RAB6C: variants seen among roughly 807,000 people sequenced by gnomAD.
The protein encoded by RAB6C is RAB6C, member RAS oncogene family, also known as ras-related protein Rab-6C.
Under a neutral mutation model 17.2 loss-of-function variants are expected in RAB6C, and 8 were observed. That is an observed-to-expected ratio of 0.46 (90% confidence interval 0.27 to 0.84). The LOEUF is 0.84. Ranked by LOEUF, RAB6C falls within the 40% of genes least tolerant of loss-of-function variation. The pLI, the probability that RAB6C is intolerant of heterozygous loss-of-function variation, is 0.13. For synonymous variants in RAB6C, 78 were observed against 118.9 expected (o/e 0.66, Z 2.24); for missense variants, 151 against 306.5 (o/e 0.49, Z 3.79).
In RAB6C at chr2:129,979,752, T is replaced by C; in HGVS notation, c.-364T>C. ...TCCCGGATACATCTGCGGTTTGGGC[T>C]CCGCCACCCTCCGTCTCTCTCCCGC... On this transcript the variant is annotated 5_prime_UTR_variant, in exon 1 of 1. Transcript: ENST00000410061. 1 of 366,220 alleles carries C rather than the reference T, an allele frequency of 2.7e-6. No individual in the cohort carries two copies. Among genetic ancestry groups the C allele is most frequent in the East Asian group, 6.0e-5 (1 of 16,736 alleles). The allele number at this position is 366,220 out of a possible 1,614,324, so 22.7% of individuals were successfully genotyped here. A position where few individuals can be genotyped will look rare whatever the true frequency, so the allele number is the denominator to read the frequency against.
rs1360740798 is a variant in RAB6C at position 129,981,068 on chromosome 2, G to A, written c.*188G>A. The stretch of plus-strand genomic sequence containing the variant: ...TGGAAATCTCAACAGTATGAGTATG[G>A]CTTGGTTAACGAGCAGTATGTTCAC... On this transcript the variant is annotated 3_prime_UTR_variant, in exon 1 of 1. Transcript: ENST00000410061. 1 of 602,342 alleles carries A rather than the reference G, an allele frequency of 1.7e-6. No individual in the cohort carries two copies. The highest frequency in any genetic ancestry group is 3.0e-6 in the Non-Finnish European group (1 of 333,528). 37.3% of individuals were successfully genotyped at this position (602,342 alleles called of 1,614,324 possible). A position where few individuals can be genotyped will look rare whatever the true frequency, so the allele number is the denominator to read the frequency against.
Position 129,982,017 on chromosome 2 carries a change from A to AT in RAB6C, c.*1143dup, listed in dbSNP as rs931021148. On this transcript the variant is annotated 3_prime_UTR_variant, in exon 1 of 1. Transcript: ENST00000410061. ...GCAGATTTATGCCTTATTTTTTAGC[A>AT]TTTTTTAAGGTTGGGTCTTTCAGGC... The AT allele has an allele frequency of 6.0e-6, 1 of 166,762 alleles. No individual in the cohort carries two copies. Among genetic ancestry groups the AT allele is most frequent in the East Asian group, 1.9e-4 (1 of 5,196 alleles). The allele number at this position is 166,762 out of a possible 1,614,324, so 10.3% of individuals were successfully genotyped here.
In RAB6C at chr2:129,981,995, G is replaced by A; in HGVS notation, c.*1115G>A. The A allele has an allele frequency of 6.0e-6, 1 of 167,200 alleles. No homozygotes were observed. The allele number at this position is 167,200 out of a possible 1,614,324, so 10.4% of individuals were successfully genotyped here. A position where few individuals can be genotyped will look rare whatever the true frequency, so the allele number is the denominator to read the frequency against. On this transcript the variant is annotated 3_prime_UTR_variant, in exon 1 of 1. Transcript: ENST00000410061. ...TGGAAATAAAACTGAATATTATGCA[G>A]ATTTATGCCTTATTTTTTAGCATTT...
rs11903479 is a variant in RAB6C, at chr2:129,981,591, A to G, written c.*711A>G. ...GAAGTTCTAATGAACTATTTCTCCC[A>G]AGGTTTTAAAATTGTCAAGAGTTAT... is the stretch of plus-strand genomic sequence containing the variant. On this transcript the variant is annotated 3_prime_UTR_variant, in exon 1 of 1. Transcript: ENST00000410061. 11,786 of 167,152 alleles carry G rather than the reference A, an allele frequency of 0.071. 986 individuals are homozygous for G. The highest frequency in any genetic ancestry group is 0.21 in the African/African-American group (8,720 of 41,516). The allele number at this position is 167,152 out of a possible 1,614,324, so 10.4% of individuals were successfully genotyped here.
In RAB6C at chr2:129,979,828, C is replaced by A; in HGVS notation, c.-288C>A. The A allele has an allele frequency of 7.0e-6, 4 of 575,276 alleles. No individual in the cohort carries two copies. Among genetic ancestry groups the A allele is most frequent in the South Asian group, 6.5e-5 (3 of 46,078 alleles). The allele number at this position is 575,276 out of a possible 1,614,324, so 35.6% of individuals were successfully genotyped here. ...AGGGAACGGCCCTAGCCTTGGGAAG[C>A]CAAAGCACACCCCTGGCTCCTGCCG... On this transcript the variant is annotated 5_prime_UTR_variant, in exon 1 of 1. Transcript: ENST00000410061.
Position 129,980,404 on chromosome 2 carries a change from A to G in RAB6C, c.289A>G (p.Asn97Asp), listed in dbSNP as rs199540850. The G allele has an allele frequency of 1.9e-4, 305 of 1,613,510 alleles. No individual in the cohort carries two copies. The African/African-American group carries it at 3.3e-3, about 17-fold the overall frequency. The change falls in exon 1 of 1, where the codon AAT becomes GAT. Residue 97 changes from asparagine (N) to aspartate (D), a missense_variant. Transcript: ENST00000410061. ...AAAVVVYDITNVNSFQQTTKW... is the reference protein window; with the variant it reads ...AAAVVVYDITDVNSFQQTTKW... The stretch of plus-strand genomic sequence containing the variant: ...AGCTGTAGTAGTTTACGATATCACA[A>G]ATGTTAACTCATTCCAGCAAACTAC...
rs1346464335 is a variant in RAB6C at position 129,981,608 on chromosome 2, AAG to A, written c.*731_*732del. ...TTTCTCCCAAGGTTTTAAAATTGTC[AAG>A]AGTTATTCTGTTTGTTTAAAAAGTA... On this transcript the variant is annotated 3_prime_UTR_variant, in exon 1 of 1. Transcript: ENST00000410061. The A allele has an allele frequency of 1.2e-5, 2 of 167,136 alleles. No homozygotes were observed. The highest frequency in any genetic ancestry group is 1.3e-4 in the Admixed American group (2 of 15,292). The allele number at this position is 167,136 out of a possible 1,614,324, so 10.4% of individuals were successfully genotyped here.
chr2:129,980,711 A>C lies in RAB6C; in HGVS notation c.596A>C (p.Gln199Pro). The change falls in exon 1 of 1, where the codon CAA (glutamine) becomes CCA (proline). Residue 199 changes from glutamine to proline, a missense_variant. Gln to Pro is a moderately conservative substitution (Grantham distance 76). Transcript: ENST00000410061. ...ATAAAACTGGAAAAGCCTCAGGAGC[A>C]AACAGTCAGCGAAGGGGGTTGTTCC... ...SDIKLEKPQE[Q>P]TVSEGGCSCY... is the part of the protein sequence containing the mutation. 1 of 1,607,892 alleles carries C rather than the reference A, an allele frequency of 6.2e-7. No homozygotes were observed. Among genetic ancestry groups the C allele is most frequent in the Non-Finnish European group, 8.5e-7 (1 of 1,175,744 alleles).
Position 129,980,823 on chromosome 2 carries a change from T to C in RAB6C, c.708T>C (p.Leu236=). The part of the protein sequence containing the change: ...IDCSVNIGLN[L]FPSLITFCNS... Reference sequence around the variant, plus strand: ...GCAGTGTGAATATTGGCTTGAACCTTTTCCCTTCATTAATAACGTTTTGCA... The same window carrying C: ...GCAGTGTGAATATTGGCTTGAACCTCTTCCCTTCATTAATAACGTTTTGCA... The change falls in exon 1 of 1, where the codon CTT becomes CTC. Residue 236 remains leucine (L), a synonymous_variant. Transcript: ENST00000410061. 1.3e-6 allele frequency: 2 copies of C among 1,597,850 alleles called. No homozygotes were observed. Among genetic ancestry groups the C allele is most frequent in the South Asian group, 1.1e-5 (1 of 88,554 alleles).
At position 129,982,106 on chromosome 2, in the gene RAB6C, G is replaced by A. The variant is rs939737999; in HGVS notation, c.*1226G>A. The A allele has an allele frequency of 1.8e-5, 3 of 164,166 alleles. No individual in the cohort carries two copies. The highest frequency in any genetic ancestry group is 4.4e-5 in the Non-Finnish European group (3 of 67,552). 10.2% of individuals were successfully genotyped at this position (164,166 alleles called of 1,614,324 possible). On this transcript the variant is annotated 3_prime_UTR_variant, in exon 1 of 1. Coordinates refer to ENST00000410061, the MANE Select transcript of RAB6C (RefSeq NM_032144.3). ...TGATTTAGTTTTATATTTAAGCTACGATTAATATTTTTTCTTTGGCGATAT... is the reference window on the plus strand; with the variant it reads ...TGATTTAGTTTTATATTTAAGCTACAATTAATATTTTTTCTTTGGCGATAT...
rs1490854874 is a variant in RAB6C at position 129,981,686 on chromosome 2, AT to A, written c.*807del. On this transcript the variant is annotated 3_prime_UTR_variant, in exon 1 of 1. Transcript: ENST00000410061. ...TGCTTGGGTTTTCTTTCTTAAAAAA[AT>A]AATACTATGCAGGCAAGACACCATA... 23 of 167,146 alleles carry A rather than the reference AT, an allele frequency of 1.4e-4. No individual in the cohort carries two copies. In the Admixed American group the frequency reaches 1.5e-3, roughly 11 times the overall value. The allele number at this position is 167,146 out of a possible 1,614,324, so 10.4% of individuals were successfully genotyped here. A position where few individuals can be genotyped will look rare whatever the true frequency, so the allele number is the denominator to read the frequency against.
Position 129,980,661 on chromosome 2 carries a change from C to A in RAB6C, c.546C>A (p.Asp182Glu), listed in dbSNP as rs201632218. ...TGCCGGGAATGGAAAGCACACAGGACGGAAGCAGAGAAGACATGAGTGACA... is the reference window on the plus strand; with the variant it reads ...TGCCGGGAATGGAAAGCACACAGGAAGGAAGCAGAGAAGACATGAGTGACA... ...AALPGMESTQDGSREDMSDIK... is the reference protein window; with the variant it reads ...AALPGMESTQEGSREDMSDIK... Residue 182 changes from aspartate (D) to glutamate (E), a missense_variant, in exon 1 of 1, where the codon GAC (aspartate) becomes GAA (glutamate). Coordinates refer to ENST00000410061, the MANE Select transcript of RAB6C (RefSeq NM_032144.3). The A allele has an allele frequency of 5.6e-4, 908 of 1,611,152 alleles. 4 individuals carry two copies. In the African/African-American group the frequency reaches 0.011, roughly 19 times the overall value.
Position 129,979,947 on chromosome 2 carries a change from C to A in RAB6C, c.-169C>A. The A allele has an allele frequency of 4.0e-6, 5 of 1,262,282 alleles. No homozygotes were observed. The highest frequency in any genetic ancestry group is 5.4e-6 in the Non-Finnish European group (5 of 927,286). The allele number at this position is 1,262,282 out of a possible 1,614,324, so 78.2% of individuals were successfully genotyped here. A position where few individuals can be genotyped will look rare whatever the true frequency, so the allele number is the denominator to read the frequency against. On this transcript the variant is annotated 5_prime_UTR_variant, in exon 1 of 1. The change creates a new upstream start codon in the 5' untranslated region. Transcript: ENST00000410061. ...GGCGGCTGCCAGTCTGTGGCGAGCCCTGCTGCCCTCCAGCCGGGCTCCTCC... is the reference window on the plus strand; with the variant it reads ...GGCGGCTGCCAGTCTGTGGCGAGCCATGCTGCCCTCCAGCCGGGCTCCTCC...
rs1573547364 is a variant in RAB6C at position 129,982,319 on chromosome 2, A to G, written c.*1439A>G. On this transcript the variant is annotated 3_prime_UTR_variant, in exon 1 of 1. Coordinates refer to ENST00000410061, the MANE Select transcript of RAB6C (RefSeq NM_032144.3). ...TAAGCTAATAAACACATTTGTAAAT[A>G]CATTGTTTGCAGGAAGAAAACTTCG... 6.0e-6 allele frequency: 1 copy of G among 167,218 alleles called. No homozygotes were observed. Among genetic ancestry groups the G allele is most frequent in the South Asian group, 2.1e-4 (1 of 4,826 alleles). 10.4% of individuals were successfully genotyped at this position (167,218 alleles called of 1,614,324 possible).
rs966489283 is a variant in RAB6C at position 129,981,023 on chromosome 2, G to A, written c.*143G>A. On this transcript the variant is annotated 3_prime_UTR_variant, in exon 1 of 1. Coordinates refer to ENST00000410061, the MANE Select transcript of RAB6C (RefSeq NM_032144.3). ...ACATTTTTTTCTTTTTTAATGTTAT[G>A]ATAATGTACTTCAAAATGATGGAAA... is the stretch of plus-strand genomic sequence containing the variant. 5.8e-6 allele frequency: 6 copies of A among 1,035,162 alleles called. No homozygotes were observed. The African/African-American group carries it at 8.2e-5, about 14-fold the overall frequency. 64.1% of individuals were successfully genotyped at this position (1,035,162 alleles called of 1,614,324 possible). A position where few individuals can be genotyped will look rare whatever the true frequency, so the allele number is the denominator to read the frequency against.
chr2:129,982,603 T>C lies in RAB6C; in HGVS notation c.*1723T>C, dbSNP rs1016185077. On this transcript the variant is annotated 3_prime_UTR_variant, in exon 1 of 1. Coordinates refer to ENST00000410061, the MANE Select transcript of RAB6C (RefSeq NM_032144.3). Reference sequence around the variant, plus strand: ...GCTTACAGATAATCATTAGCCCACATACCAGTAACTTATACTTAAAGATGG... The same window carrying C: ...GCTTACAGATAATCATTAGCCCACACACCAGTAACTTATACTTAAAGATGG... The C allele has an allele frequency of 2.4e-5, 4 of 167,108 alleles. No individual in the cohort carries two copies. The East Asian group carries it at 5.8e-4, about 24-fold the overall frequency. 10.4% of individuals were successfully genotyped at this position (167,108 alleles called of 1,614,324 possible).
In RAB6C at chr2:129,981,768, T is replaced by G. The variant is rs1389056376; in HGVS notation, c.*888T>G. On this transcript the variant is annotated 3_prime_UTR_variant, in exon 1 of 1. Transcript: ENST00000410061. ...GAAGAATTTAAATTTGGCACTACGA[T>G]CAAAACTACTGAATTAGCAGAAATA... The G allele has an allele frequency of 6.0e-6, 1 of 167,048 alleles. No individual in the cohort carries two copies. Among genetic ancestry groups the G allele is most frequent in the East Asian group, 1.9e-4 (1 of 5,202 alleles). 10.3% of individuals were successfully genotyped at this position (167,048 alleles called of 1,614,324 possible).
chr2:129,980,753 C>T lies in RAB6C; in HGVS notation c.638C>T (p.Ser213Leu), dbSNP rs1489873784. 1 of 1,607,340 alleles carries T rather than the reference C, an allele frequency of 6.2e-7. No homozygotes were observed. The highest frequency in any genetic ancestry group is 8.5e-7 in the Non-Finnish European group (1 of 1,175,252). The change falls in exon 1 of 1, where the codon TCA becomes TTA. Residue 213 changes from serine to leucine, a missense_variant. By Grantham distance (145) the Ser-to-Leu change is moderately radical. Around this residue, in one of 2 missense-constraint regions of RAB6C, gnomAD observed 136 missense variants for 200.0 expected, o/e 0.68. Coordinates refer to ENST00000410061, the MANE Select transcript of RAB6C (RefSeq NM_032144.3). ...GGTTGTTCCTGCTACTCTCCCATGTCATCTTCAACCCTTCCTCAGAAGCCC... is the reference window on the plus strand; with the variant it reads ...GGTTGTTCCTGCTACTCTCCCATGTTATCTTCAACCCTTCCTCAGAAGCCC... ...EGGCSCYSPM[S>L]SSTLPQKPPY...
At position 129,979,722 on chromosome 2, in the gene RAB6C, A is replaced by G. The variant is rs1258341446; in HGVS notation, c.-394A>G. On this transcript the variant is annotated 5_prime_UTR_variant, in exon 1 of 1. Coordinates refer to ENST00000410061, the MANE Select transcript of RAB6C (RefSeq NM_032144.3). Reference sequence around the variant, plus strand: ...TGGGGAAGCCGAAGCGCCGCGCGTGAGAGATCCCGGATACATCTGCGGTTT... The same window carrying G: ...TGGGGAAGCCGAAGCGCCGCGCGTGGGAGATCCCGGATACATCTGCGGTTT... 5 of 275,216 alleles carry G rather than the reference A, an allele frequency of 1.8e-5. No homozygotes were observed. Among genetic ancestry groups the G allele is most frequent in the Non-Finnish European group, 3.6e-5 (5 of 140,246 alleles). 17.0% of individuals were successfully genotyped at this position (275,216 alleles called of 1,614,324 possible). A position where few individuals can be genotyped will look rare whatever the true frequency, so the allele number is the denominator to read the frequency against.
Sources: allele counts gnomAD v4.1 joint callset, GRCh38; gene constraint gnomAD v4.1.1; regional missense constraint gnomAD v4.1.1; transcripts MANE v1.5; gene names NCBI Gene and HGNC (gene_info 2026-07-23, HGNC 2026-07-21).